Variants in TCERG1L observed in about 807,000 individuals in gnomAD.
TCERG1L encodes transcription elongation regulator 1-like protein.
Under a neutral mutation model 56.3 loss-of-function variants are expected in TCERG1L, and 37 were observed. The ratio of observed to expected loss-of-function variants is 0.66; its 90% CI spans 0.51 to 0.87. The LOEUF is 0.87. TCERG1L is among the 40% of genes least tolerant of loss of function. TCERG1L has a pLI of 0.00. For missense variants in TCERG1L, 799 were observed against 774.2 expected, an observed-to-expected ratio of 1.03 and a Z score of -0.38; for synonymous variants, 324 against 326.3, an observed-to-expected ratio of 0.99 and a Z score of 0.08.
chr10:131,105,782 G>A (rs1175850102), intron 9 of TCERG1L, among the ~76,000 whole-genome samples: 20 of 152,034 alleles, frequency 1.3e-4, no homozygotes, highest in African/African-American at 4.1e-4. Context: ...ATATTGCTAC[G>A]GACTCATGGA....
intron 4 of TCERG1L, among the ~76,000 whole-genome samples, chr10:131,185,079 G>A (rs1014002395): frequency 6.6e-6 from 1 of 152,094 alleles, no homozygotes; most frequent in Non-Finnish European, 1.5e-5. Flanking sequence ...CTGGGTGACA[G>A]AGCGAGACCC....
intron 4 of TCERG1L, among the ~76,000 whole-genome samples, chr10:131,189,624 T>C (rs964349130): frequency 6.6e-6 from 1 of 152,190 alleles, no homozygotes; most frequent in Non-Finnish European, 1.5e-5. Context: ...TTATTGTGAG[T>C]AGTGCTGTGA....
chr10:131,176,189 G>C (rs116796947), intron 4 of TCERG1L, among the ~76,000 whole-genome samples: 2,264 of 152,236 alleles, frequency 0.015, 46 homozygotes, highest in African/African-American at 0.051. Context: ...AGCTGGACCA[G>C]GGCCTCTGGT....
At chr10:131,202,775 AAT>A (rs1270307706) in intron 4 of TCERG1L, among the ~76,000 whole-genome samples, 14 of 152,228 alleles carry the variant, frequency 9.2e-5, no homozygotes, top group Admixed American at 8.5e-4. Flanking sequence ...AGAAGTTTCC[AAT>A]ATGAGAAGAA....
intron 4 of TCERG1L, among the ~76,000 whole-genome samples, chr10:131,177,917 C>T (rs914979487): frequency 1.3e-5 from 2 of 151,472 alleles, no homozygotes; most frequent in African/African-American, 2.4e-5. Flanking sequence ...CCGTCAGCCT[C>T]TCGAGTCCCT....
chr10:131,163,809 T>C (rs1364207933), intron 5 of TCERG1L, among the ~76,000 whole-genome samples: 1 of 152,124 alleles, frequency 6.6e-6, no homozygotes, highest in African/African-American at 2.4e-5. Flanking sequence ...TGACACTCAG[T>C]TGGTCCACAT....
At chr10:131,171,781 G>A (rs1846094955) in intron 4 of TCERG1L, among the ~76,000 whole-genome samples, 1 of 152,208 alleles carries the variant, frequency 6.6e-6, no homozygotes. Flanking sequence ...ATGTTGGCCA[G>A]GCTGGTGTCG....
chr10:131,250,877 CCT>C (rs1343675475), intron 4 of TCERG1L, among the ~76,000 whole-genome samples: 2 of 152,182 alleles, frequency 1.3e-5, no homozygotes, highest in Admixed American at 1.3e-4. Context: ...AAGCCACATT[CCT>C]CTTTCTCACG....
At chr10:131,189,037 A>C (rs1238421965) in intron 4 of TCERG1L, among the ~76,000 whole-genome samples, 4 of 152,182 alleles carry the variant, frequency 2.6e-5, no homozygotes, top group Admixed American at 2.6e-4. Flanking sequence ...GCAGCATCCT[A>C]ATTTTTAATG....
chr10:131,236,043 T>G (rs1257841967), intron 4 of TCERG1L, among the ~76,000 whole-genome samples: 1 of 152,224 alleles, frequency 6.6e-6, no homozygotes, highest in Admixed American at 6.5e-5. Context: ...TAGGCTCACC[T>G]AGTGTGTGTG....
At chr10:131,253,585 C>T (rs1186260594) in intron 4 of TCERG1L, among the ~76,000 whole-genome samples, 1 of 152,190 alleles carries the variant, frequency 6.6e-6, no homozygotes, top group Non-Finnish European at 1.5e-5. Flanking sequence ...ACGTGGCATT[C>T]ACCGTGCTGA....
chr10:131,128,190 GAATA>G (rs1845581566), intron 8 of TCERG1L, among the ~76,000 whole-genome samples: 1 of 152,270 alleles, frequency 6.6e-6, no homozygotes, highest in African/African-American at 2.4e-5. Context: ...ACCCAAGAGT[GAATA>G]AATGTCATAA....
intron 4 of TCERG1L, among the ~76,000 whole-genome samples, chr10:131,183,432 GGGCC>G (rs1845202304): frequency 6.6e-6 from 1 of 152,126 alleles, no homozygotes; most frequent in African/African-American, 2.4e-5. Context: ...CCTATCAAAT[GGGCC>G]AGCCTTTGTC....
chr10:131,099,304 T>C (rs973020213), intron 10 of TCERG1L, among the ~76,000 whole-genome samples: 1 of 152,242 alleles, frequency 6.6e-6, no homozygotes, highest in African/African-American at 2.4e-5. Context: ...ACCTCTTCTC[T>C]GTCAGGGTAA....
At chr10:131,167,355 G>T (rs1003074761) in intron 4 of TCERG1L, among the ~76,000 whole-genome samples, 1 of 152,204 alleles carries the variant, frequency 6.6e-6, no homozygotes, top group Non-Finnish European at 1.5e-5. Context: ...GCTGTGCCCA[G>T]GTGTGTGGAT....
At chr10:131,187,891 C>T (rs1376249986) in intron 4 of TCERG1L, among the ~76,000 whole-genome samples, 1 of 152,178 alleles carries the variant, frequency 6.6e-6, no homozygotes, top group Non-Finnish European at 1.5e-5. Context: ...CTCCATGTGC[C>T]CTCACTCAAT....
At chr10:131,272,228 G>A (rs1392666474) in intron 3 of TCERG1L, among the ~76,000 whole-genome samples, 2 of 152,180 alleles carry the variant, frequency 1.3e-5, no homozygotes, top group Non-Finnish European at 2.9e-5. Flanking sequence ...AAATCCATCA[G>A]GAATTAACTA....
intron 4 of TCERG1L, among the ~76,000 whole-genome samples, chr10:131,213,406 A>G (rs1845636739): frequency 6.6e-6 from 1 of 152,242 alleles, no homozygotes; most frequent in South Asian, 2.1e-4. Flanking sequence ...TTCATGTTAT[A>G]AAATTTCTCT....
intron 4 of TCERG1L, among the ~76,000 whole-genome samples, chr10:131,211,254 G>A (rs762044236): frequency 2.8e-4 from 42 of 152,226 alleles, no homozygotes; most frequent in Admixed American, 2.4e-3. Flanking sequence ...GGACTGAGGA[G>A]GACTGTCCCT....
Sources: allele counts gnomAD v4.1 joint callset (sites outside exome capture counted in the v4.1 genomes callset), GRCh38; gene constraint gnomAD v4.1.1; transcripts MANE v1.5; gene names NCBI Gene and HGNC (gene_info 2026-07-23, HGNC 2026-07-21).